The following NT5C1A variants were observed in gnomAD, a reference collection of about 807,000 sequenced individuals.
The protein encoded by NT5C1A is cytosolic 5'-nucleotidase 1A.
In NT5C1A, 18 loss-of-function variants were observed where a neutral mutation model predicts 31.0. The observed-to-expected ratio is 0.58, with a 90% CI of 0.40 to 0.86. The LOEUF is 0.86. Among genes scored for constraint, NT5C1A ranks in the 40% least tolerant of loss-of-function variants. The pLI, the probability that NT5C1A is intolerant of heterozygous loss-of-function variation, is 0.00. For synonymous variants in NT5C1A, 185 were observed against 203.6 expected, an observed-to-expected ratio of 0.91 and a Z score of 0.78; for missense variants, 470 against 505.4, an observed-to-expected ratio of 0.93 and a Z score of 0.67.
Position 39,651,438 on chromosome 1 carries a change from A to C in NT5C1A, c.*7683T>G, listed in dbSNP as rs1359353323. Among the ~76,000 whole-genome samples, 1 of 152,214 alleles carries C rather than the reference A, an allele frequency of 6.6e-6. No homozygotes were observed. The highest frequency in any genetic ancestry group is 2.4e-5 in the African/African-American group (1 of 41,456). On this transcript the variant is annotated 3_prime_UTR_variant, in exon 6 of 6. Coordinates refer to ENST00000235628, the MANE Select transcript of NT5C1A (RefSeq NM_032526.3). ...GCTACTAGTAGGCCAAAGAGGGCAA[A>C]GCTGGGAGAAGTACAAGCAGTCTTA...
rs1413159840 is a variant in NT5C1A, at chr1:39,659,342, G to A, written c.886C>T (p.Leu296=). 1 of 1,613,954 alleles carries A rather than the reference G, an allele frequency of 6.2e-7. No individual in the cohort carries two copies. Among genetic ancestry groups the A allele is most frequent in the Non-Finnish European group, 8.5e-7 (1 of 1,180,032 alleles). The part of the protein sequence containing the change: ...ASSGARALKT[L]RSWGLETDEA... ...TCTGTCTCCAGGCCCCAGCTGCGCA[G>A]GGTCTTGAGAGCCCGGGCCCCGGAA... is the stretch of plus-strand genomic sequence containing the variant. The change falls in exon 6 of 6, where the codon CTG becomes TTG. Residue 296 remains leucine (L), a synonymous_variant. Coordinates refer to ENST00000235628, the MANE Select transcript of NT5C1A (RefSeq NM_032526.3).
chr1:39,666,753 C>T (rs1288255277), intron 1 of NT5C1A, among the ~76,000 whole-genome samples: 1 of 152,184 alleles, frequency 6.6e-6, no homozygotes, highest in Non-Finnish European at 1.5e-5. Flanking sequence ...TTAACATTCC[C>T]AAGGCTGAAT....
chr1:39,651,752 G>A lies in NT5C1A; in HGVS notation c.*7369C>T, dbSNP rs753650022. Reference sequence around the variant, plus strand: ...ACATTAATAAAGAAGTTCGTAGGCCGAGTGTGGTGGCTCACGCCTGTAATC... The same window carrying A: ...ACATTAATAAAGAAGTTCGTAGGCCAAGTGTGGTGGCTCACGCCTGTAATC... On this transcript the variant is annotated 3_prime_UTR_variant, in exon 6 of 6. Coordinates refer to ENST00000235628, the MANE Select transcript of NT5C1A (RefSeq NM_032526.3). Among the ~76,000 whole-genome samples, 12 of 152,198 alleles carry A rather than the reference G, an allele frequency of 7.9e-5. No homozygotes were observed. Among genetic ancestry groups the A allele is most frequent in the African/African-American group, 2.4e-4 (10 of 41,538 alleles).
Position 39,656,124 on chromosome 1 carries a change from G to T in NT5C1A, c.*2997C>A, listed in dbSNP as rs183275145. On this transcript the variant is annotated 3_prime_UTR_variant, in exon 6 of 6. Coordinates refer to ENST00000235628, the MANE Select transcript of NT5C1A (RefSeq NM_032526.3). The stretch of plus-strand genomic sequence containing the variant: ...GCAGTCCCATTGGCTCTGGGATTTT[G>T]CTGGCAGGCATCTCCTGGAACCAGT... Among the ~76,000 whole-genome samples, 254 of 152,300 alleles carry T rather than the reference G, an allele frequency of 1.7e-3. No individual in the cohort carries two copies. The highest frequency in any genetic ancestry group is 2.5e-3 in the Non-Finnish European group (172 of 68,036).
rs763611934 is a variant in NT5C1A, at chr1:39,656,495, C to T, written c.*2626G>A. On this transcript the variant is annotated 3_prime_UTR_variant, in exon 6 of 6. Transcript: ENST00000235628. ...CTTAGTGTTTCTCCATTGCCCAGGG[C>T]TGTCTGTGTCTATTAATGATGGCTC... 5.9e-5 allele frequency among the ~76,000 whole-genome samples: 9 copies of T among 152,208 alleles called. No homozygotes were observed. The highest frequency in any genetic ancestry group is 1.2e-4 in the Non-Finnish European group (8 of 68,042).
rs567841308 is a variant in NT5C1A, at chr1:39,653,530, C to T, written c.*5591G>A. 1.3e-5 allele frequency among the ~76,000 whole-genome samples: 2 copies of T among 152,284 alleles called. No homozygotes were observed. The highest frequency in any genetic ancestry group is 6.5e-5 in the Admixed American group (1 of 15,302). On this transcript the variant is annotated 3_prime_UTR_variant, in exon 6 of 6. Transcript: ENST00000235628. ...CACAGTAATTGCCGGCAAGAGCAAT[C>T]GGCTCGTCACTCGGGCATATTTAGC...
Position 39,659,250 on chromosome 1 carries a change from G to A in NT5C1A, c.978C>T (p.Phe326=). The A allele has an allele frequency of 6.2e-7, 1 of 1,614,146 alleles. No homozygotes were observed. The highest frequency in any genetic ancestry group is 8.5e-7 in the Non-Finnish European group (1 of 1,180,046). ...PLLEKIRPHI[F]FDDQMFHVAG... is the part of the protein sequence containing the mutation. ...CCACATGGAACATCTGGTCATCAAA[G>A]AAGATGTGTGGGCGGATCTTCTCAA... Residue 326 remains phenylalanine, a synonymous_variant, in exon 6 of 6, where the codon TTC becomes TTT. Transcript: ENST00000235628.
Position 39,659,246 on chromosome 1 carries a change from C to A in NT5C1A, c.982G>T (p.Asp328Tyr), listed in dbSNP as rs1180402827. The part of the protein sequence containing the change: ...LEKIRPHIFF[D>Y]DQMFHVAGAQ... ...CCAGCCACATGGAACATCTGGTCAT[C>A]AAAGAAGATGTGTGGGCGGATCTTC... The change falls in exon 6 of 6, where the codon GAT (aspartate) becomes TAT (tyrosine). Residue 328 changes from aspartate (D) to tyrosine (Y), a missense_variant. Coordinates refer to ENST00000235628, the MANE Select transcript of NT5C1A (RefSeq NM_032526.3). 3.7e-6 allele frequency: 6 copies of A among 1,614,152 alleles called. No homozygotes were observed. Among genetic ancestry groups the A allele is most frequent in the Non-Finnish European group, 5.1e-6 (6 of 1,180,058 alleles).
chr1:39,667,006 T>G (rs1170040107), intron 1 of NT5C1A, among the ~76,000 whole-genome samples: 1 of 152,190 alleles, frequency 6.6e-6, no homozygotes, highest in Non-Finnish European at 1.5e-5. Flanking sequence ...GGGATTTTTC[T>G]AAAGTTCAGA....
chr1:39,654,045 C>T lies in NT5C1A; in HGVS notation c.*5076G>A, dbSNP rs1646447858. Among the ~76,000 whole-genome samples the T allele has an allele frequency of 6.6e-6, 1 of 152,066 alleles. No individual in the cohort carries two copies. The highest frequency in any genetic ancestry group is 6.5e-5 in the Admixed American group (1 of 15,272). ...GTCTGGGCTTAGTGGAGAAGAGTAT[C>T]ATGATGGCATAGCGACAGCAATGAT... On this transcript the variant is annotated 3_prime_UTR_variant, in exon 6 of 6. Transcript: ENST00000235628.
intron 3 of NT5C1A, among the ~76,000 whole-genome samples, chr1:39,664,490 C>CCTCCCCTCCT (rs1646509611): frequency 3.5e-4 from 1 of 2,894 alleles, no homozygotes; most frequent in African/African-American, 1.8e-3. Context: ...GTGGATTTCT[C>CCTCCCCTCCT]CTCCTCTCCT....
intron 3 of NT5C1A, among the ~76,000 whole-genome samples, chr1:39,664,787 C>T (rs1242415816): frequency 2.0e-5 from 3 of 151,456 alleles, no homozygotes; most frequent in Non-Finnish European, 4.4e-5. Flanking sequence ...CCGCACCTGG[C>T]CTGCTTTTCT....
intron 3 of NT5C1A, among the ~76,000 whole-genome samples, chr1:39,664,487 T>TCTC (rs202246374): frequency 0.046 from 66 of 1,446 alleles, 5 homozygotes; most frequent in Non-Finnish European, 0.071. Context: ...AGAGTGGATT[T>TCTC]CTCCTCCTCT....
At position 39,651,473 on chromosome 1, in the gene NT5C1A, A is replaced by C. The variant is rs1646431825; in HGVS notation, c.*7648T>G. Among the ~76,000 whole-genome samples, 1 of 152,238 alleles carries C rather than the reference A, an allele frequency of 6.6e-6. No homozygotes were observed. The highest frequency in any genetic ancestry group is 1.5e-5 in the Non-Finnish European group (1 of 68,044). ...AGTACAAGCAGTCTTATTCCCAGAC[A>C]AGGGAAGTCACAAAGACGAAGAAAC... On this transcript the variant is annotated 3_prime_UTR_variant, in exon 6 of 6. Coordinates refer to ENST00000235628, the MANE Select transcript of NT5C1A (RefSeq NM_032526.3).
At position 39,654,000 on chromosome 1, in the gene NT5C1A, G is replaced by A. The variant is rs1283031361; in HGVS notation, c.*5121C>T. On this transcript the variant is annotated 3_prime_UTR_variant, in exon 6 of 6. Coordinates refer to ENST00000235628, the MANE Select transcript of NT5C1A (RefSeq NM_032526.3). ...TAGTGGCTGCCTGGAATGCTGGATA[G>A]AGAAAGATTCTGAGACCCAGTCTGG... is the stretch of plus-strand genomic sequence containing the variant. Among the ~76,000 whole-genome samples, 6 of 152,320 alleles carry A rather than the reference G, an allele frequency of 3.9e-5. No homozygotes were observed. In the South Asian group the frequency reaches 1.0e-3, roughly 26 times the overall value.
chr1:39,661,099 C>A lies in NT5C1A; in HGVS notation c.721G>T (p.Glu241Ter). The A allele has an allele frequency of 6.3e-7, 1 of 1,587,696 alleles. No homozygotes were observed. The highest frequency in any genetic ancestry group is 8.6e-7 in the Non-Finnish European group (1 of 1,158,550). ...DRFFEHEKAHENKPLAQGPLK... is the reference protein window; with the variant it reads ...DRFFEHEKAH ...AGCACCTGAGCCAGAGGTTTGTTCT[C>A]GTGGGCCTTCTCATGCTCGAAGAAT... The change falls in exon 5 of 6, where the codon GAG (glutamate) becomes TAG (stop). Residue 241 changes from glutamate to a stop codon, truncating the protein, a stop_gained. Transcript: ENST00000235628. LOFTEE classifies it high-confidence loss of function.
intron 1 of NT5C1A, among the ~76,000 whole-genome samples, chr1:39,670,011 T>C (rs1646542032): frequency 6.6e-6 from 1 of 152,264 alleles, no homozygotes; most frequent in South Asian, 2.1e-4. Flanking sequence ...TTGAATTCAA[T>C]ATGTAAGCCA....
In NT5C1A at chr1:39,659,131, G is replaced by C; in HGVS notation, c.1097C>G (p.Ser366Cys). The part of the protein sequence containing the change: ...RRTAPAKQAP[S>C]AQ ...AAGCCGGTGGTTCAGCTACTGTGCAGATGGGGCCTGCTTTGCAGGTGCAGT... is the reference window on the plus strand; with the variant it reads ...AAGCCGGTGGTTCAGCTACTGTGCACATGGGGCCTGCTTTGCAGGTGCAGT... Residue 366 changes from serine to cysteine, a missense_variant, in exon 6 of 6, where the codon TCT (serine) becomes TGT (cysteine). Physicochemically the swap from Ser to Cys is moderately radical, Grantham distance 112 (BLOSUM62 -1). Coordinates refer to ENST00000235628, the MANE Select transcript of NT5C1A (RefSeq NM_032526.3). The C allele has an allele frequency of 6.2e-7, 1 of 1,602,778 alleles. No individual in the cohort carries two copies. Among genetic ancestry groups the C allele is most frequent in the South Asian group, 1.1e-5 (1 of 89,912 alleles).
chr1:39,666,280 C>T, intron 1 of NT5C1A, 44 bp from the exon 2 acceptor site: 3 of 1,594,566 alleles, frequency 1.9e-6, no homozygotes, highest in Non-Finnish European at 2.6e-6. Flanking sequence ...GATGACTGCC[C>T]CTGAGGCAGG....
Sources: gnomAD v4.1 joint callset for allele counts (sites outside exome capture counted in the v4.1 genomes callset) on GRCh38, gnomAD v4.1.1 for gene constraint, MANE v1.5 for transcripts, NCBI Gene and HGNC (gene_info 2026-07-23, HGNC 2026-07-21) for gene names.